The following MACF1 variants were observed in gnomAD, a reference collection of about 807,000 sequenced individuals.
MACF1 encodes the protein microtubule-actin cross-linking factor 1.
A neutral mutation model predicts 854.8 loss-of-function variants in MACF1; 193 were observed. The observed-to-expected ratio is 0.23, with a 90% CI of 0.20 to 0.25. The LOEUF (loss-of-function observed/expected upper bound fraction) is 0.25, where lower values mean the gene tolerates loss of function less well. Among genes scored for constraint, MACF1 ranks in the 10% least tolerant of loss-of-function variants. MACF1 has a pLI of 1.00. For missense variants in MACF1, 7,722 were observed against 8,929.1 expected (o/e 0.86, Z 5.45); for synonymous variants, 3,185 against 3,226.7 (o/e 0.99, Z 0.44).
intron 6 of MACF1, among the ~76,000 whole-genome samples, chr1:39,279,535 G>A (rs1469913558): frequency 3.3e-5 from 5 of 151,844 alleles, no homozygotes; most frequent in South Asian, 2.1e-4. Flanking sequence ...TACTTTCATG[G>A]TACTGCACCT....
At chr1:39,323,405 A>C (rs1287777691) in intron 33 of MACF1, among the ~76,000 whole-genome samples, 1 of 151,700 alleles carries the variant, frequency 6.6e-6, no homozygotes, top group African/African-American at 2.4e-5. Flanking sequence ...AAATTAAAAA[A>C]ATTTTTTAAA....
chr1:39,171,879 G>A (rs1252355665), intron 2 of MACF1, among the ~76,000 whole-genome samples: 7 of 152,222 alleles, frequency 4.6e-5, no homozygotes, highest in African/African-American at 1.7e-4. Flanking sequence ...GCCCGCCTCA[G>A]CCTCTCAAAG....
chr1:39,274,042 T>A (rs1645383924), intron 6 of MACF1, among the ~76,000 whole-genome samples: 1 of 152,164 alleles, frequency 6.6e-6, no homozygotes, highest in Non-Finnish European at 1.5e-5. Flanking sequence ...GAGATTTACT[T>A]TATCATAATA....
chr1:39,236,672 T>C (rs1451474670), intron 2 of MACF1, among the ~76,000 whole-genome samples: 1 of 152,184 alleles, frequency 6.6e-6, no homozygotes. Context: ...TTCCTTTTTT[T>C]TCTTTTTGGA....
intron 11 of MACF1, 24 bp downstream of exon 11, chr1:39,284,452 A>T (rs1250679034): frequency 6.7e-7 from 1 of 1,502,230 alleles, no homozygotes; most frequent in Non-Finnish European, 9.0e-7. Context: ...TCCTTTGCTG[A>T]GACTTGGGGT....
chr1:39,123,433 G>A (rs1436854043), intron 2 of MACF1, among the ~76,000 whole-genome samples: 1 of 151,652 alleles, frequency 6.6e-6, no homozygotes, highest in Non-Finnish European at 1.5e-5. Flanking sequence ...GTCTCGAACT[G>A]CTGACCTCAG....
rs1215366956 is a variant in MACF1, at chr1:39,287,315, C to T, written c.1538C>T (p.Thr513Ile). Reference sequence around the variant, plus strand: ...ATGCGTCTTCAGGATGAGCTGGTCACCTTGCGTCTAGAGTGTACAAACCTG... The same window carrying T: ...ATGCGTCTTCAGGATGAGCTGGTCATCTTGCGTCTAGAGTGTACAAACCTG... ...RVMRLQDELV[T>I]LRLECTNLYR... Residue 513 changes from threonine (T) to isoleucine (I), a missense_variant, in exon 15 of 101, where the codon ACC becomes ATC. This residue lies in a region of MACF1 where 1,137 missense variants were observed against 1,263.0 expected (regional missense o/e 0.90). Transcript: ENST00000564288. 1.2e-6 allele frequency: 2 copies of T among 1,614,126 alleles called. No homozygotes were observed. The highest frequency in any genetic ancestry group is 1.7e-6 in the Non-Finnish European group (2 of 1,180,020).
chr1:39,094,753 G>A (rs1041464294), intron 2 of MACF1, among the ~76,000 whole-genome samples: 1 of 152,082 alleles, frequency 6.6e-6, no homozygotes, highest in South Asian at 2.1e-4. Flanking sequence ...TTAGCCAGGC[G>A]TGGTGGTATG....
chr1:39,092,570 C>T (rs1641832680), intron 2 of MACF1, among the ~76,000 whole-genome samples: 1 of 152,194 alleles, frequency 6.6e-6, no homozygotes, highest in African/African-American at 2.4e-5. Context: ...ACAATATGCC[C>T]TTTGCAGTTA....
chr1:39,155,812 G>A (rs1275299282), intron 2 of MACF1, among the ~76,000 whole-genome samples: 5 of 151,666 alleles, frequency 3.3e-5, no homozygotes, highest in Admixed American at 6.6e-5. Flanking sequence ...TTCCGCCTCC[G>A]GGTTTCAAGC....
chr1:39,382,881 G>A (rs1467463020), intron 56 of MACF1, among the ~76,000 whole-genome samples: 1 of 152,040 alleles, frequency 6.6e-6, no homozygotes, highest in Non-Finnish European at 1.5e-5. Flanking sequence ...AGCACTTTGG[G>A]AGGCTAAGGT....
chr1:39,399,220 T>A (rs1642380962), intron 58 of MACF1, among the ~76,000 whole-genome samples: 1 of 152,160 alleles, frequency 6.6e-6, no homozygotes, highest in Non-Finnish European at 1.5e-5. Context: ...TATTTCTGTG[T>A]CTCCAGTCTT....
At chr1:39,263,937 C>A (rs542527320) in intron 6 of MACF1, among the ~76,000 whole-genome samples, 1 of 151,984 alleles carries the variant, frequency 6.6e-6, no homozygotes, top group South Asian at 2.1e-4. Flanking sequence ...CCACACCCGG[C>A]TAATTTTTTG....
chr1:39,434,536 C>T lies in MACF1; in HGVS notation c.17688C>T (p.Leu5896=), dbSNP rs1041563532. The part of the protein sequence containing the change: ...VNQFWETYEE[L]SPWIEETRAL... ...AGTTTTGGGAAACTTATGAAGAGCT[C>T]AGCCCCTGGATTGAGGAAACTCGGG... Residue 5896 remains leucine, a synonymous_variant, in exon 69 of 101, where the codon CTC becomes CTT. Coordinates refer to ENST00000564288, the MANE Select transcript of MACF1 (RefSeq NM_001394062.1). The T allele has an allele frequency of 4.3e-6, 7 of 1,614,024 alleles. No individual in the cohort carries two copies. The highest frequency in any genetic ancestry group is 5.9e-6 in the Non-Finnish European group (7 of 1,180,030).
chr1:39,196,000 C>A (rs1023409986), intron 2 of MACF1, among the ~76,000 whole-genome samples: 29 of 152,116 alleles, frequency 1.9e-4, no homozygotes, highest in Admixed American at 1.2e-3. Context: ...TTTGCTGCTC[C>A]TCCAAATAAT....
intron 2 of MACF1, among the ~76,000 whole-genome samples, chr1:39,232,856 C>T (rs1644799895): frequency 6.6e-6 from 1 of 151,268 alleles, no homozygotes; most frequent in South Asian, 2.1e-4. Context: ...GATCACAGCT[C>T]ACTGCAGCCC....
intron 30 of MACF1, among the ~76,000 whole-genome samples, chr1:39,319,059 A>C (rs1392336930): frequency 6.6e-6 from 1 of 151,380 alleles, no homozygotes; most frequent in Non-Finnish European, 1.5e-5. Context: ...AGAGTATGAG[A>C]TCTGGAGTTG....
intron 2 of MACF1, among the ~76,000 whole-genome samples, chr1:39,247,821 G>A (rs1644999424): frequency 6.6e-6 from 1 of 151,930 alleles, no homozygotes; most frequent in Non-Finnish European, 1.5e-5. Context: ...TCACAAGGTC[G>A]GGAGATTGAG....
intron 2 of MACF1, among the ~76,000 whole-genome samples, chr1:39,232,746 G>GTTTTTTTTTTTTTTTTTTTTTTTTTTTT (rs10712180): frequency 1.6e-5 from 2 of 128,484 alleles, no homozygotes; most frequent in Non-Finnish European, 3.3e-5. Flanking sequence ...TACTCTCTTT[G>GTTTTTTTTTTTTTTTTTTTTTTTTTTTT]TTTTTTTTTT....
Sources: allele counts gnomAD v4.1 joint callset (sites outside exome capture counted in the v4.1 genomes callset), GRCh38; gene constraint gnomAD v4.1.1; regional missense constraint gnomAD v4.1.1; transcripts MANE v1.5; gene names NCBI Gene and HGNC (gene_info 2026-07-23, HGNC 2026-07-21).